Variants in RERG observed in about 807,000 individuals in gnomAD.
RERG encodes RAS like estrogen regulated growth inhibitor, also known as ras-related and estrogen-regulated growth inhibitor.
Under a neutral mutation model 23.2 loss-of-function variants are expected in RERG, and 25 were observed. The observed-to-expected ratio is 1.08, with a 90% CI of 0.79 to 1.50. The LOEUF (loss-of-function observed/expected upper bound fraction) is 1.50, where lower values mean the gene tolerates loss of function less well. Among genes scored for constraint, RERG ranks in the 40% most tolerant of loss-of-function variants. The probability of loss-of-function intolerance (pLI) is 0.00; values close to 1 mark genes in which losing one functional copy is unlikely to be tolerated. For missense variants in RERG, 253 were observed against 250.1 expected, an observed-to-expected ratio of 1.01 and a Z score of -0.08; for synonymous variants, 81 against 89.1, an observed-to-expected ratio of 0.91 and a Z score of 0.51.
intron 2 of RERG, among the ~76,000 whole-genome samples, chr12:15,210,813 T>C (rs2136147312): frequency 6.6e-6 from 1 of 152,280 alleles, no homozygotes; most frequent in African/African-American, 2.4e-5. Context: ...CTTTTCTGTC[T>C]TTGCAGGTAA....
chr12:15,200,047 C>T (rs1865195152), intron 2 of RERG, among the ~76,000 whole-genome samples: 1 of 152,014 alleles, frequency 6.6e-6, no homozygotes, highest in Non-Finnish European at 1.5e-5. Flanking sequence ...TTAGAATAAA[C>T]TTGGCTGAGT....
rs553551749 is a variant in RERG, at chr12:15,187,805, C to T, written c.61+29624G>A. Among the ~76,000 whole-genome samples the T allele has an allele frequency of 2.0e-5, 3 of 151,944 alleles. No individual in the cohort carries two copies. The East Asian group carries it at 5.8e-4, about 29-fold the overall frequency. ...AACTCCTGACCTCAAGTGATCCACC[C>T]GCCTCGGCCTCCCAAAGTGCTGGGA... On this transcript the variant is annotated intron_variant, in intron 2 of 4. Transcript: ENST00000256953.
intron 2 of RERG, among the ~76,000 whole-genome samples, chr12:15,134,625 T>C (rs1373674842): frequency 2.0e-5 from 3 of 152,132 alleles, no homozygotes; most frequent in African/African-American, 4.8e-5. Flanking sequence ...TTTTATTATA[T>C]ATATTTTTAG....
intron 2 of RERG, among the ~76,000 whole-genome samples, chr12:15,155,945 T>A (rs1864515248): frequency 6.6e-6 from 1 of 150,890 alleles, no homozygotes; most frequent in Admixed American, 6.6e-5. Context: ...TGTATACATA[T>A]GTAACTAACC....
rs151096554 is a variant in RERG, at chr12:15,176,151, A to G, written c.61+41278T>C. Among the ~76,000 whole-genome samples the G allele has an allele frequency of 3.1e-3, 469 of 152,306 alleles. 7 individuals carry two copies. Among genetic ancestry groups the G allele is most frequent in the African/African-American group, 0.011 (460 of 41,576 alleles). On this transcript the variant is annotated intron_variant, in intron 2 of 4. Transcript: ENST00000256953. ...GAGGTCCTCATACTGCCATTCCAGA[A>G]GTTTCCTACTAGTATTATTTTTAAA...
Position 15,111,516 on chromosome 12 carries a change from A to AT in RERG, c.119-100dup, listed in dbSNP as rs1336911525. The stretch of plus-strand genomic sequence containing the variant: ...AATGGGCATGGGAGAAGTATTCCTG[A>AT]TTTTACAGCATAAGGAACTGTGTAG... On this transcript the variant is annotated intron_variant, in intron 3 of 4. Transcript: ENST00000256953. 2.5e-5 allele frequency: 22 copies of AT among 877,138 alleles called. No individual in the cohort carries two copies. In the South Asian group the frequency reaches 2.9e-4, roughly 12 times the overall value. 54.3% of individuals were successfully genotyped at this position (877,138 alleles called of 1,614,324 possible).
At chr12:15,183,362 T>G (rs964049505) in intron 2 of RERG, among the ~76,000 whole-genome samples, 3 of 148,176 alleles carry the variant, frequency 2.0e-5, no homozygotes, top group Admixed American at 1.3e-4. Context: ...AGTAATCAAT[T>G]TAGTTTCAAT....
intron 2 of RERG, among the ~76,000 whole-genome samples, chr12:15,213,273 C>T (rs894047755): frequency 1.3e-4 from 20 of 152,204 alleles, no homozygotes; most frequent in African/African-American, 4.8e-4. Flanking sequence ...CTACAAGAAG[C>T]ATTTAAATAA....
chr12:15,116,036 G>A (rs897504143), intron 3 of RERG, among the ~76,000 whole-genome samples: 11 of 152,070 alleles, frequency 7.2e-5, no homozygotes, highest in Non-Finnish European at 1.2e-4. Flanking sequence ...ACAGTGATTC[G>A]CAATTTCAGA....
chr12:15,162,430 T>C (rs909841066), intron 2 of RERG, among the ~76,000 whole-genome samples: 3 of 152,188 alleles, frequency 2.0e-5, no homozygotes, highest in Non-Finnish European at 4.4e-5. Flanking sequence ...TTAAAATCCA[T>C]AATTAAGAAC....
At chr12:15,195,752 TG>T (rs774202690) in intron 2 of RERG, among the ~76,000 whole-genome samples, 2 of 152,128 alleles carry the variant, frequency 1.3e-5, no homozygotes, top group East Asian at 3.9e-4. Flanking sequence ...ACCTAGAAGT[TG>T]CATCACTAAT....
At chr12:15,169,484 C>T (rs1319516107) in intron 2 of RERG, among the ~76,000 whole-genome samples, 1 of 152,140 alleles carries the variant, frequency 6.6e-6, no homozygotes, top group African/African-American at 2.4e-5. Context: ...TCTCCTCCTC[C>T]TCTTGGCACT....
At chr12:15,121,167 T>G in intron 2 of RERG, 48 bp from the exon 3 acceptor site, 1 of 1,420,404 alleles carries the variant, frequency 7.0e-7, no homozygotes, top group East Asian at 2.3e-5. Context: ...GTTAATTTGC[T>G]TAGCACACCT....
chr12:15,120,766 C>A (rs562496066), intron 3 of RERG, among the ~76,000 whole-genome samples: 2 of 152,150 alleles, frequency 1.3e-5, no homozygotes, highest in South Asian at 4.1e-4. Context: ...TCCTCTCTCT[C>A]CCATTAGAAT....
chr12:15,151,720 G>C (rs1864446210), intron 2 of RERG, among the ~76,000 whole-genome samples: 1 of 152,122 alleles, frequency 6.6e-6, no homozygotes, highest in Admixed American at 6.5e-5. Context: ...AGTTTTCTTG[G>C]AAAAGATTGG....
intron 2 of RERG, among the ~76,000 whole-genome samples, chr12:15,174,300 T>C (rs1864816304): frequency 6.6e-6 from 1 of 152,228 alleles, no homozygotes; most frequent in South Asian, 2.1e-4. Flanking sequence ...TTCTGGCCTA[T>C]GTAGTTTCTG....
intron 3 of RERG, among the ~76,000 whole-genome samples, chr12:15,114,095 C>T (rs1038109204): frequency 1.3e-5 from 2 of 151,764 alleles, no homozygotes; most frequent in African/African-American, 4.8e-5. Flanking sequence ...ACTAAATGCA[C>T]AAAATAAAGT....
chr12:15,117,674 C>CGT (rs201726895), intron 3 of RERG, among the ~76,000 whole-genome samples: 6,236 of 105,366 alleles, frequency 0.059, 450 homozygotes, highest in African/African-American at 0.18. Flanking sequence ...ATCACACACG[C>CGT]GCACACACAC....
At chr12:15,217,016 A>G (rs1865448820) in intron 2 of RERG, 1 of 154,928 alleles carries the variant, frequency 6.5e-6, no homozygotes, top group Non-Finnish European at 1.4e-5. Flanking sequence ...AAGCATTTTT[A>G]AAGCACCTAA....
Sources: allele counts gnomAD v4.1 joint callset (sites outside exome capture counted in the v4.1 genomes callset), GRCh38; gene constraint gnomAD v4.1.1; transcripts MANE v1.5; gene names NCBI Gene and HGNC (gene_info 2026-07-23, HGNC 2026-07-21).